MGAT5: variants seen among roughly 807,000 people sequenced by gnomAD.
MGAT5 encodes the protein alpha-1,6-mannosylglycoprotein 6-beta-N-acetylglucosaminyltransferase A.
In MGAT5, 30 loss-of-function variants were observed where a neutral mutation model predicts 94.3. That is an observed-to-expected ratio of 0.32 (90% CI 0.24 to 0.43). The LOEUF is 0.43. Ranked by LOEUF, MGAT5 falls within the 20% of genes least tolerant of loss-of-function variation. The pLI, the probability that MGAT5 is intolerant of heterozygous loss-of-function variation, is 1.00. For missense variants in MGAT5, 691 were observed against 905.5 expected (o/e 0.76, Z 3.04); for synonymous variants, 310 against 322.9 (o/e 0.96, Z 0.43).
At chr2:134,187,731 G>A (rs752407849) in intron 1 of MGAT5, among the ~76,000 whole-genome samples, 4 of 152,072 alleles carry the variant, frequency 2.6e-5, no homozygotes, top group African/African-American at 4.8e-5. Flanking sequence ...AATATTGATC[G>A]GATAAGTGAA....
At chr2:134,329,708 A>G (rs1467412750) in intron 4 of MGAT5, among the ~76,000 whole-genome samples, 1 of 152,096 alleles carries the variant, frequency 6.6e-6, no homozygotes, top group East Asian at 1.9e-4. Context: ...ACCAAATGAG[A>G]TGACCTGTGT....
At chr2:134,339,186 T>C (rs1293214532) in intron 6 of MGAT5, among the ~76,000 whole-genome samples, 1 of 152,214 alleles carries the variant, frequency 6.6e-6, no homozygotes, top group Admixed American at 6.5e-5. Context: ...ATCTCTTGAA[T>C]TTGTGAGACA....
At chr2:134,374,597 A>C (rs1681038690) in intron 10 of MGAT5, among the ~76,000 whole-genome samples, 1 of 152,250 alleles carries the variant, frequency 6.6e-6, no homozygotes, top group Non-Finnish European at 1.5e-5. Flanking sequence ...GCATCGATAC[A>C]CAATTCTTTA....
intron 1 of MGAT5, among the ~76,000 whole-genome samples, chr2:134,257,842 T>C (rs1314828214): frequency 2.7e-5 from 4 of 149,074 alleles, no homozygotes; most frequent in Non-Finnish European, 4.5e-5. Flanking sequence ...GTCTCTTTTT[T>C]TTTTTTTTTT....
intron 11 of MGAT5, among the ~76,000 whole-genome samples, chr2:134,407,526 C>T (rs978775408): frequency 2.0e-5 from 3 of 152,204 alleles, no homozygotes; most frequent in African/African-American, 7.2e-5. Context: ...CTTCTGTGCA[C>T]AGAGACACTT....
intron 15 of MGAT5, 48 bp from the exon 16 acceptor site, chr2:134,448,601 G>A (rs559052144): frequency 6.4e-7 from 1 of 1,571,376 alleles, no homozygotes; most frequent in South Asian, 1.1e-5. Flanking sequence ...ACGAGGAAAG[G>A]CTCTGTCCCT....
intron 1 of MGAT5, among the ~76,000 whole-genome samples, chr2:134,150,969 T>G (rs903107053): frequency 6.6e-6 from 1 of 152,170 alleles, no homozygotes; most frequent in African/African-American, 2.4e-5. Context: ...CTGTTGTGAC[T>G]TGGGCTGGTG....
intron 2 of MGAT5, among the ~76,000 whole-genome samples, chr2:134,277,389 G>C (rs1684442991): frequency 1.3e-5 from 2 of 152,114 alleles, no homozygotes. Flanking sequence ...CAGGAAACTT[G>C]AATCATAGTG....
At chr2:134,361,987 CAAGG>C (rs1201435855) in intron 9 of MGAT5, among the ~76,000 whole-genome samples, 1 of 152,150 alleles carries the variant, frequency 6.6e-6, no homozygotes, top group African/African-American at 2.4e-5. Context: ...TCTGAGGCAA[CAAGG>C]AAGAGAGTAC....
At chr2:134,240,374 C>CTTTTT (rs1573592166) in intron 1 of MGAT5, among the ~76,000 whole-genome samples, 4 of 130,934 alleles carry the variant, frequency 3.1e-5, no homozygotes, top group South Asian at 4.7e-4. Flanking sequence ...TTTTTTTTTA[C>CTTTTT]TATTTGTATG....
intron 1 of MGAT5, among the ~76,000 whole-genome samples, chr2:134,199,909 A>C (rs1679693011): frequency 6.6e-6 from 1 of 152,154 alleles, no homozygotes; most frequent in Non-Finnish European, 1.5e-5. Context: ...AATGGCAAGA[A>C]TGAACATGCT....
rs755566558 is a variant in MGAT5 at position 134,448,827 on chromosome 2, C to G, written c.2206C>G (p.Leu736Val). The G allele has an allele frequency of 6.8e-6, 11 of 1,613,466 alleles. No homozygotes were observed. The highest frequency in any genetic ancestry group is 3.3e-5 in the Admixed American group (2 of 60,004). Reference protein sequence around the residue: ...CRDFIKGQVALCKDCL With the variant: ...CRDFIKGQVAVCKDCL ...GGACTTCATCAAGGGCCAGGTGGCT[C>G]TCTGCAAAGACTGCCTATAGCAGCT... Residue 736 changes from leucine to valine, a missense_variant, in exon 16 of 16, where the codon CTC becomes GTC. By Grantham distance (32) the Leu-to-Val change is conservative. Around this residue, in one of 4 missense-constraint regions of MGAT5, gnomAD observed 260 missense variants for 347.0 expected, o/e 0.75. Coordinates refer to ENST00000281923, the MANE Select transcript of MGAT5 (RefSeq NM_002410.5).
chr2:134,180,323 C>G (rs562437151), intron 1 of MGAT5, among the ~76,000 whole-genome samples: 1 of 152,164 alleles, frequency 6.6e-6, no homozygotes, highest in African/African-American at 2.4e-5. Context: ...GTATTGGGAC[C>G]TCTTTCCAGT....
chr2:134,167,548 G>C (rs528631458), intron 1 of MGAT5, among the ~76,000 whole-genome samples: 1 of 152,096 alleles, frequency 6.6e-6, no homozygotes, highest in African/African-American at 2.4e-5. Context: ...TTGCCGGTTC[G>C]GGGTCTACAC....
At chr2:134,413,832 C>T (rs76941088) in intron 12 of MGAT5, among the ~76,000 whole-genome samples, 254 of 152,320 alleles carry the variant, frequency 1.7e-3, no homozygotes, top group African/African-American at 5.9e-3. Context: ...TGATTAGCAT[C>T]CGTCCCATGG....
chr2:134,182,142 CTCTT>C (rs1400521810), intron 1 of MGAT5, among the ~76,000 whole-genome samples: 2 of 152,152 alleles, frequency 1.3e-5, no homozygotes, highest in Admixed American at 6.5e-5. Context: ...AAAATTGACA[CTCTT>C]TCTAAATAGT....
At chr2:134,284,542 G>A (rs541616121) in intron 2 of MGAT5, among the ~76,000 whole-genome samples, 1 of 151,814 alleles carries the variant, frequency 6.6e-6, no homozygotes, top group African/African-American at 2.4e-5. Flanking sequence ...ATGCAACCCT[G>A]TGTGCTAAAC....
At chr2:134,275,470 A>G (rs1684300327) in intron 2 of MGAT5, among the ~76,000 whole-genome samples, 1 of 151,994 alleles carries the variant, frequency 6.6e-6, no homozygotes, top group South Asian at 2.1e-4. Context: ...ATCTTTGAGG[A>G]AGTGAATTTA....
rs911495700 is a variant in MGAT5, at chr2:134,428,495, A to G, written c.1869+56A>G. On this transcript the variant is annotated intron_variant, in intron 14 of 15. Coordinates refer to ENST00000281923, the MANE Select transcript of MGAT5 (RefSeq NM_002410.5). ...GCTGTGTACTGCTTCCTGTGACGCC[A>G]TAGGGCTCTCAAGAACATTTAAGAG... is the stretch of plus-strand genomic sequence containing the variant. 3 of 1,492,200 alleles carry G rather than the reference A, an allele frequency of 2.0e-6. No individual in the cohort carries two copies. The African/African-American group carries it at 4.1e-5, about 21-fold the overall frequency. The allele number at this position is 1,492,200 out of a possible 1,614,324, so 92.4% of individuals were successfully genotyped here. A position where few individuals can be genotyped will look rare whatever the true frequency, so the allele number is the denominator to read the frequency against.
Sources: allele counts gnomAD v4.1 joint callset (sites outside exome capture counted in the v4.1 genomes callset), GRCh38; gene constraint gnomAD v4.1.1; regional missense constraint gnomAD v4.1.1; transcripts MANE v1.5; gene names NCBI Gene and HGNC (gene_info 2026-07-23, HGNC 2026-07-21).